MCU: variants seen among roughly 807,000 people sequenced by gnomAD.
MCU encodes mitochondrial calcium uniporter.
Under a neutral mutation model 45.2 loss-of-function variants are expected in MCU, and 12 were observed. The observed-to-expected ratio is 0.27, with a 90% confidence interval of 0.17 to 0.43. The LOEUF (loss-of-function observed/expected upper bound fraction) is 0.43, where lower values mean the gene tolerates loss of function less well. MCU is among the 20% of genes least tolerant of loss of function. MCU has a pLI of 1.00. For synonymous variants in MCU, 160 were observed against 165.1 expected (o/e 0.97, Z 0.24); for missense variants, 324 against 436.7 (o/e 0.74, Z 2.30).
rs184198707 is a variant in MCU, at chr10:72,795,912, C to T, written c.151-38447C>T. On this transcript the variant is annotated intron_variant, in intron 1 of 7. Coordinates refer to ENST00000373053, the MANE Select transcript of MCU (RefSeq NM_138357.3). ...ACTCTGGAGGCTGAGGCAGGAGAAT[C>T]GCTTGAACCTGGGAGGCCGAGGTTG... Among the ~76,000 whole-genome samples, 752 of 152,040 alleles carry T rather than the reference C, an allele frequency of 4.9e-3. 7 individuals are homozygous for T. The highest frequency in any genetic ancestry group is 0.017 in the African/African-American group (715 of 41,438).
chr10:72,773,375 G>A (rs966663091), intron 1 of MCU, among the ~76,000 whole-genome samples: 3 of 152,092 alleles, frequency 2.0e-5, no homozygotes, highest in Non-Finnish European at 4.4e-5. Context: ...GCTCTCAATG[G>A]CAGAATGGAT....
At chr10:72,801,013 C>T (rs528944701) in intron 1 of MCU, among the ~76,000 whole-genome samples, 8 of 151,578 alleles carry the variant, frequency 5.3e-5, no homozygotes, top group African/African-American at 1.5e-4. Flanking sequence ...GGTGGAAGGC[C>T]GGAAGTTTGA....
intron 4 of MCU, chr10:72,861,754 C>T: frequency 3.0e-6 from 1 of 338,070 alleles, no homozygotes; most frequent in Non-Finnish European, 5.7e-6. Context: ...GCCTCAGCCT[C>T]CCAAAGTGCC....
At chr10:72,858,161 C>T (rs1318417877) in intron 2 of MCU, among the ~76,000 whole-genome samples, 3 of 152,144 alleles carry the variant, frequency 2.0e-5, no homozygotes, top group Non-Finnish European at 2.9e-5. Context: ...GAACAGGATG[C>T]ATGCTGAGCA....
intron 1 of MCU, among the ~76,000 whole-genome samples, chr10:72,811,397 T>C (rs1468121549): frequency 6.6e-6 from 1 of 152,232 alleles, no homozygotes; most frequent in East Asian, 1.9e-4. Flanking sequence ...CATTTTTTTG[T>C]GTCTGTTGTA....
Position 72,871,475 on chromosome 10 carries a change from G to A in MCU, c.756G>A (p.Arg252=), listed in dbSNP as rs1358575046. ...CCACACAGTTTGGCATTTTGGCCCGGCTTACCTGGTGGGAATATTCCTGGG... is the reference window on the plus strand; with the variant it reads ...CCACACAGTTTGGCATTTTGGCCCGACTTACCTGGTGGGAATATTCCTGGG... ...YMATQFGILA[R]LTWWEYSWDI... Residue 252 remains arginine (R), a synonymous_variant, in exon 6 of 8, where the codon CGG becomes CGA. Transcript: ENST00000373053. 1 of 1,614,208 alleles carries A rather than the reference G, an allele frequency of 6.2e-7. No homozygotes were observed. Among genetic ancestry groups the A allele is most frequent in the Non-Finnish European group, 8.5e-7 (1 of 1,180,030 alleles).
chr10:72,695,767 T>C (rs968424608), intron 1 of MCU, among the ~76,000 whole-genome samples: 1 of 151,672 alleles, frequency 6.6e-6, no homozygotes, highest in African/African-American at 2.4e-5. Flanking sequence ...CTGGAGTTCA[T>C]TGACACTGTC....
At position 72,887,681 on chromosome 10, in the gene MCU, A is replaced by G. The variant is rs958624971; in HGVS notation, c.*1859A>G. The G allele has an allele frequency of 6.5e-6, 1 of 152,780 alleles. No homozygotes were observed. The highest frequency in any genetic ancestry group is 2.4e-5 in the African/African-American group (1 of 41,462). The allele number at this position is 152,780 out of a possible 1,614,324, so 9.5% of individuals were successfully genotyped here. A position where few individuals can be genotyped will look rare whatever the true frequency, so the allele number is the denominator to read the frequency against. ...GTACCTTCTGGAACAATAAATACTTATTCAATTTTTGAACGATAGCATCTC... is the reference window on the plus strand; with the variant it reads ...GTACCTTCTGGAACAATAAATACTTGTTCAATTTTTGAACGATAGCATCTC... On this transcript the variant is annotated 3_prime_UTR_variant, in exon 8 of 8. Transcript: ENST00000373053.
chr10:72,822,289 T>A (rs1273297050), intron 1 of MCU, among the ~76,000 whole-genome samples: 1 of 151,760 alleles, frequency 6.6e-6, no homozygotes, highest in Non-Finnish European at 1.5e-5. Context: ...AATAAGGAAA[T>A]AACAACCAAG....
intron 1 of MCU, among the ~76,000 whole-genome samples, chr10:72,711,708 C>CT (rs759213032): frequency 0.016 from 1,843 of 114,676 alleles, 36 homozygotes; most frequent in South Asian, 0.065. Context: ...GACTGTGTTT[C>CT]TTTTTTTTTT....
chr10:72,810,267 T>C (rs541023557), intron 1 of MCU, among the ~76,000 whole-genome samples: 3 of 151,810 alleles, frequency 2.0e-5, no homozygotes, highest in Non-Finnish European at 4.4e-5. Context: ...AGAGAGGAAT[T>C]GTGAGGGTGA....
At chr10:72,752,187 G>C (rs529956624) in intron 1 of MCU, among the ~76,000 whole-genome samples, 1 of 151,700 alleles carries the variant, frequency 6.6e-6, no homozygotes, top group African/African-American at 2.4e-5. Flanking sequence ...CAACCCTTAG[G>C]AGATAATACT....
chr10:72,747,383 G>C (rs535477695), intron 1 of MCU, among the ~76,000 whole-genome samples: 25 of 152,194 alleles, frequency 1.6e-4, no homozygotes, highest in Non-Finnish European at 8.8e-5. Flanking sequence ...TCTTTTCGTT[G>C]TTTTAAAAAA....
intron 1 of MCU, among the ~76,000 whole-genome samples, chr10:72,706,920 C>T (rs1842828981): frequency 6.7e-6 from 1 of 150,232 alleles, no homozygotes; most frequent in South Asian, 2.1e-4. Context: ...ACCTCCATCT[C>T]CTGGGTTCAA....
intron 7 of MCU, 146 bp downstream of exon 7, chr10:72,884,528 A>G (rs1387121388): frequency 3.5e-6 from 2 of 573,358 alleles, no homozygotes; most frequent in Non-Finnish European, 6.2e-6. Context: ...AGTTGATTAC[A>G]GTAACTATTT....
intron 1 of MCU, among the ~76,000 whole-genome samples, chr10:72,784,489 G>T (rs7893632): frequency 0.053 from 8,023 of 152,236 alleles, 712 homozygotes; most frequent in African/African-American, 0.18. Flanking sequence ...ACATTTGGTT[G>T]CAGGAGAGGT....
intron 1 of MCU, among the ~76,000 whole-genome samples, chr10:72,785,272 A>G (rs1844055757): frequency 3.3e-5 from 5 of 152,160 alleles, no homozygotes; most frequent in Admixed American, 6.5e-5. Flanking sequence ...CAAAGCTACA[A>G]CTTTGTTTCT....
intron 6 of MCU, 121 bp downstream of exon 6, chr10:72,871,701 A>G: frequency 1.3e-6 from 1 of 757,912 alleles, no homozygotes; most frequent in Non-Finnish European, 2.2e-6. Flanking sequence ...TTACACATAC[A>G]CACACATGTG....
At chr10:72,828,216 T>C (rs1483756543) in intron 1 of MCU, among the ~76,000 whole-genome samples, 2 of 152,192 alleles carry the variant, frequency 1.3e-5, no homozygotes, top group Non-Finnish European at 2.9e-5. Context: ...CATGTTGTGC[T>C]AAGGGAAATG....
Sources: gnomAD v4.1 joint callset for allele counts (sites outside exome capture counted in the v4.1 genomes callset) on GRCh38, gnomAD v4.1.1 for gene constraint, MANE v1.5 for transcripts, NCBI Gene and HGNC (gene_info 2026-07-23, HGNC 2026-07-21) for gene names.